BRD8: variants seen among roughly 807,000 people sequenced by gnomAD.
BRD8 encodes the protein bromodomain containing 8.
Under a neutral mutation model 143.1 loss-of-function variants are expected in BRD8, and 67 were observed. The ratio of observed to expected loss-of-function variants is 0.47; its 90% CI spans 0.38 to 0.57. The LOEUF (loss-of-function observed/expected upper bound fraction) is 0.57, where lower values mean the gene tolerates loss of function less well. BRD8 is among the 20% of genes least tolerant of loss of function. The pLI, the probability that BRD8 is intolerant of heterozygous loss-of-function variation, is 0.00. For synonymous variants in BRD8, 505 were observed against 517.1 expected, an observed-to-expected ratio of 0.98 and a Z score of 0.32; for missense variants, 1,103 against 1,503.0, an observed-to-expected ratio of 0.73 and a Z score of 4.40.
Position 138,168,096 on chromosome 5 carries a change from A to T in BRD8, c.643-18T>A. The T allele has an allele frequency of 1.3e-6, 2 of 1,596,686 alleles. No individual in the cohort carries two copies. Among genetic ancestry groups the T allele is most frequent in the Non-Finnish European group, 1.7e-6 (2 of 1,168,846 alleles). The stretch of plus-strand genomic sequence containing the variant: ...TCATTGACCTACCAGGGAAGAATAG[A>T]GGTGAAGGCTACACTCAAGCTTTCC... On this transcript the variant is annotated intron_variant, in intron 8 of 26. Transcript: ENST00000254900.
In BRD8 at chr5:138,164,710, G is replaced by A. The variant is rs1337232666; in HGVS notation, c.1731+4C>T. Reference sequence around the variant, plus strand: ...TCTCCCCAGCCCCGATCTTTCTTAAGTACCTCTGTCTTCACATTTGTAAGT... The same window carrying A: ...TCTCCCCAGCCCCGATCTTTCTTAAATACCTCTGTCTTCACATTTGTAAGT... On this transcript the variant is annotated splice_donor_region_variant and intron_variant, in intron 12 of 26. Coordinates refer to ENST00000254900, the MANE Select transcript of BRD8 (RefSeq NM_139199.2). 2 of 1,613,884 alleles carry A rather than the reference G, an allele frequency of 1.2e-6. No individual in the cohort carries two copies. Among genetic ancestry groups the A allele is most frequent in the Admixed American group, 3.3e-5 (2 of 59,956 alleles).
chr5:138,169,448 T>C (rs1753699834), intron 7 of BRD8, 90 bp from the exon 8 acceptor site: 4 of 1,419,696 alleles, frequency 2.8e-6, no homozygotes, highest in South Asian at 2.7e-5. Flanking sequence ...AAAGGACAAA[T>C]AGGTATGTTG....
intron 8 of BRD8, chr5:138,168,552 C>A: frequency 6.2e-7 from 1 of 1,610,300 alleles, no homozygotes; most frequent in Non-Finnish European, 8.5e-7. Context: ...TGCTTTCTGT[C>A]CAAGCATCTT....
rs1754455063 is a variant in BRD8, at chr5:138,177,566, C to G, written c.116+5G>C. On this transcript the variant is annotated splice_donor_5th_base_variant and intron_variant, in intron 2 of 26. Coordinates refer to ENST00000254900, the MANE Select transcript of BRD8 (RefSeq NM_139199.2). ...CCAGAAAAGCTGACATCCTAGATAC[C>G]TTACCAATTTTGATCGCCACTTCTC... The G allele has an allele frequency of 6.3e-7, 1 of 1,598,320 alleles. No individual in the cohort carries two copies. The highest frequency in any genetic ancestry group is 8.6e-7 in the Non-Finnish European group (1 of 1,167,484).
At position 138,156,203 on chromosome 5, in the gene BRD8, G is replaced by A. The variant is rs182064770; in HGVS notation, c.2577+3352C>T. Among the ~76,000 whole-genome samples, 573 of 151,184 alleles carry A rather than the reference G, an allele frequency of 3.8e-3. 3 individuals are homozygous for A. The highest frequency in any genetic ancestry group is 0.013 in the African/African-American group (530 of 41,226). Reference sequence around the variant, plus strand: ...TGCCCAGGCTGGAGTGCAGTGACGCGATCTCAGCTCACTGCAACCTCCGCC... The same window carrying A: ...TGCCCAGGCTGGAGTGCAGTGACGCAATCTCAGCTCACTGCAACCTCCGCC... On this transcript the variant is annotated intron_variant, in intron 20 of 26. Transcript: ENST00000254900.
rs963062907 is a variant in BRD8, at chr5:138,169,103, T to C, written c.642+119A>G. On this transcript the variant is annotated intron_variant, in intron 8 of 26. Transcript: ENST00000254900. Reference sequence around the variant, plus strand: ...GCACAGAACATGGTAAATTAAGTCTTTAGCATTCAGATCAAGAGAGGAAGT... The same window carrying C: ...GCACAGAACATGGTAAATTAAGTCTCTAGCATTCAGATCAAGAGAGGAAGT... 14 of 1,104,760 alleles carry C rather than the reference T, an allele frequency of 1.3e-5. No individual in the cohort carries two copies. The Admixed American group carries it at 3.3e-4, about 26-fold the overall frequency. The allele number at this position is 1,104,760 out of a possible 1,614,324, so 68.4% of individuals were successfully genotyped here.
At position 138,139,933 on chromosome 5, in the gene BRD8, TG is replaced by T; in HGVS notation, c.*140del. The T allele has an allele frequency of 1.6e-6, 1 of 643,574 alleles. No individual in the cohort carries two copies. Among genetic ancestry groups the T allele is most frequent in the Non-Finnish European group, 2.7e-6 (1 of 368,792 alleles). The allele number at this position is 643,574 out of a possible 1,614,324, so 39.9% of individuals were successfully genotyped here. ...TTTATATTATGTCCACATGCATCTT[TG>T]ACTCGTTGGTTGTGAGTTAAGGTAT... On this transcript the variant is annotated 3_prime_UTR_variant, in exon 27 of 27. Coordinates refer to ENST00000254900, the MANE Select transcript of BRD8 (RefSeq NM_139199.2).
chr5:138,140,353 C>T (rs545471735), intron 26 of BRD8, among the ~76,000 whole-genome samples, 187 bp from the exon 27 acceptor site: 66 of 152,262 alleles, frequency 4.3e-4, no homozygotes, highest in African/African-American at 1.5e-3. Flanking sequence ...AAAGTGTGAA[C>T]GTACATTAAT....
chr5:138,177,843 C>A (rs1277296284), intron 1 of BRD8, among the ~76,000 whole-genome samples, 176 bp from the exon 2 acceptor site: 1 of 152,170 alleles, frequency 6.6e-6, no homozygotes, highest in Admixed American at 6.5e-5. Flanking sequence ...TGAAATATCA[C>A]CAGTGACCGG....
At position 138,150,928 on chromosome 5, in the gene BRD8, T is replaced by G; in HGVS notation, c.2937A>C (p.Gln979His). The G allele has an allele frequency of 6.2e-7, 1 of 1,614,190 alleles. No individual in the cohort carries two copies. The highest frequency in any genetic ancestry group is 1.1e-5 in the South Asian group (1 of 91,084). ...CGCTAGCTTTAATTTCCCTTCCTTCTTGTCTGGTACCAGATGGAGGGCAGC... is the reference window on the plus strand; with the variant it reads ...CGCTAGCTTTAATTTCCCTTCCTTCGTGTCTGGTACCAGATGGAGGGCAGC... Reference protein sequence around the residue: ...EGCCPPSGTRQEGREIKASEG... With the variant: ...EGCCPPSGTRHEGREIKASEG... Residue 979 changes from glutamine to histidine, a missense_variant, in exon 22 of 27, where the codon CAA becomes CAC. Gln to His is a conservative substitution (Grantham distance 24). Coordinates refer to ENST00000254900, the MANE Select transcript of BRD8 (RefSeq NM_139199.2).
At position 138,161,905 on chromosome 5, in the gene BRD8, G is replaced by T. The variant is rs766925595; in HGVS notation, c.2181-41C>A. On this transcript the variant is annotated intron_variant, in intron 16 of 26. Transcript: ENST00000254900. Reference sequence around the variant, plus strand: ...AAGGTGCAATTACTGACATTCTCCAGAAGTGCAGGGAGGGAACTTACTCTA... The same window carrying T: ...AAGGTGCAATTACTGACATTCTCCATAAGTGCAGGGAGGGAACTTACTCTA... The T allele has an allele frequency of 2.5e-6, 4 of 1,606,522 alleles. No homozygotes were observed. The African/African-American group carries it at 5.4e-5, about 21-fold the overall frequency.
Position 138,149,704 on chromosome 5 carries a change from C to T in BRD8, c.3214G>A (p.Ala1072Thr). ...DQPPSGECDD[A>T]FNIKETPLVD... ...AAGGGAGTCTCCTTAATGTTAAAGG[C>T]ATCATCACACTCGCCTGAAGGGGGC... Residue 1072 changes from alanine (A) to threonine (T), a missense_variant, in exon 23 of 27, where the codon GCC becomes ACC. This residue lies in a region of BRD8 where 369 missense variants were observed against 445.5 expected (regional missense o/e 0.83). Coordinates refer to ENST00000254900, the MANE Select transcript of BRD8 (RefSeq NM_139199.2). The T allele has an allele frequency of 6.2e-7, 1 of 1,613,786 alleles. No homozygotes were observed. Among genetic ancestry groups the T allele is most frequent in the Non-Finnish European group, 8.5e-7 (1 of 1,179,864 alleles).
chr5:138,148,159 G>GAAAAAAAAAAA (rs764280222), intron 23 of BRD8, among the ~76,000 whole-genome samples: 1 of 73,658 alleles, frequency 1.4e-5, no homozygotes, highest in African/African-American at 5.6e-5. Context: ...TGATGAGCTG[G>GAAAAAAAAAAA]AAAAAAAAAA....
chr5:138,157,954 T>C (rs1190064608), intron 20 of BRD8: 1 of 152,230 alleles, frequency 6.6e-6, no homozygotes. Context: ...GTACAGCCTG[T>C]AGGCAAGATG....
chr5:138,152,220 C>T (rs1037416806), intron 21 of BRD8, among the ~76,000 whole-genome samples: 9 of 151,752 alleles, frequency 5.9e-5, no homozygotes, highest in Admixed American at 5.3e-4. Flanking sequence ...GAACTCCCAA[C>T]CTCAAGTGAT....
intron 20 of BRD8, among the ~76,000 whole-genome samples, chr5:138,154,035 A>G (rs770795241): frequency 3.9e-5 from 6 of 152,086 alleles, no homozygotes; most frequent in Non-Finnish European, 8.8e-5. Flanking sequence ...TCCTTCTCTT[A>G]TATTCAGTAA....
intron 15 of BRD8, 78 bp downstream of exon 15, chr5:138,163,052 G>GGAAGAAAGACA (rs1430390968): frequency 2.2e-5 from 25 of 1,156,892 alleles, no homozygotes; most frequent in Admixed American, 7.9e-5. Context: ...AGAAAAGACA[G>GGAAGAAAGACA]GAAGGAAGGA....
At position 138,150,744 on chromosome 5, in the gene BRD8, C is replaced by T. The variant is rs763844198; in HGVS notation, c.3120+1G>A. 6.2e-7 allele frequency: 1 copy of T among 1,603,258 alleles called. No individual in the cohort carries two copies. The highest frequency in any genetic ancestry group is 1.7e-5 in the Admixed American group (1 of 57,832). Reference sequence around the variant, plus strand: ...ACAGCTGATTTAAGTTACTTTCTTACCTCTTCACTCTCTGTGAGTAGTCCC... The same window carrying T: ...ACAGCTGATTTAAGTTACTTTCTTATCTCTTCACTCTCTGTGAGTAGTCCC... On this transcript the variant is annotated splice_donor_variant, in intron 22 of 26. Coordinates refer to ENST00000254900, the MANE Select transcript of BRD8 (RefSeq NM_139199.2). LOFTEE classifies it high-confidence loss of function.
chr5:138,158,555 T>C (rs201642158), intron 20 of BRD8, among the ~76,000 whole-genome samples: 3 of 151,646 alleles, frequency 2.0e-5, no homozygotes, highest in Admixed American at 6.6e-5. Context: ...TCTCCTGCCT[T>C]AGCCTCCCGA....
Sources: allele counts gnomAD v4.1 joint callset (sites outside exome capture counted in the v4.1 genomes callset), GRCh38; gene constraint gnomAD v4.1.1; regional missense constraint gnomAD v4.1.1; transcripts MANE v1.5; gene names NCBI Gene and HGNC (gene_info 2026-07-23, HGNC 2026-07-21).